Variants in PLSCR5 observed in about 807,000 individuals in gnomAD.
PLSCR5 encodes the protein phospholipid scramblase family member 5, also known as phospholipid scramblase family, member 5.
A neutral mutation model predicts 33.6 loss-of-function variants in PLSCR5; 44 were observed. That is an observed-to-expected ratio of 1.31 (90% CI 1.03 to 1.69). PLSCR5 has a LOEUF of 1.69. PLSCR5 is among the 40% of genes most tolerant of loss of function. The pLI, the probability that PLSCR5 is intolerant of heterozygous loss-of-function variation, is 0.00. For synonymous variants in PLSCR5, 148 were observed against 112.3 expected (o/e 1.32, Z -2.01); for missense variants, 375 against 318.7 (o/e 1.18, Z -1.34).
At position 146,600,279 on chromosome 3, in the gene PLSCR5, TA is replaced by T; in HGVS notation, c.189+8del. On this transcript the variant is annotated splice_region_variant and intron_variant, in intron 2 of 7. Coordinates refer to ENST00000443512, the MANE Select transcript of PLSCR5 (RefSeq NM_001085420.2). Reference sequence around the variant, plus strand: ...GAACATATCTGTAGTAATAGAAAGATAAAAACACCTGGCTTAAATATTCTAG... The same window carrying T: ...GAACATATCTGTAGTAATAGAAAGATAAAACACCTGGCTTAAATATTCTAG... 2.6e-6 allele frequency: 4 copies of T among 1,543,432 alleles called. No individual in the cohort carries two copies. Among genetic ancestry groups the T allele is most frequent in the Non-Finnish European group, 3.5e-6 (4 of 1,141,028 alleles).
intron 2 of PLSCR5, among the ~76,000 whole-genome samples, chr3:146,598,871 G>A (rs1178029466): frequency 6.6e-6 from 1 of 152,234 alleles, no homozygotes; most frequent in African/African-American, 2.4e-5. Context: ...CTGCCAGTGG[G>A]TTTCTGGAGA....
chr3:146,605,230 T>A lies in PLSCR5; in HGVS notation c.-18A>T. The A allele has an allele frequency of 6.2e-7, 1 of 1,611,430 alleles. No homozygotes were observed. The highest frequency in any genetic ancestry group is 8.5e-7 in the Non-Finnish European group (1 of 1,178,298). ...GAGGCCATGAAGATGTCTGAGTCACTTCTTCAAAGGTTGCCAGGTTGGAAA... is the reference window on the plus strand; with the variant it reads ...GAGGCCATGAAGATGTCTGAGTCACATCTTCAAAGGTTGCCAGGTTGGAAA... On this transcript the variant is annotated 5_prime_UTR_variant, in exon 1 of 8. The change creates a new upstream start codon in the 5' untranslated region. Transcript: ENST00000443512.
chr3:146,595,650 ACT>A (rs1323231682), intron 2 of PLSCR5, among the ~76,000 whole-genome samples: 2 of 152,156 alleles, frequency 1.3e-5, no homozygotes, highest in African/African-American at 2.4e-5. Flanking sequence ...GACAGAACTA[ACT>A]CTGTGTTAAC....
downstream of PLSCR5, among the ~76,000 whole-genome samples, chr3:146,584,796 C>G (rs1286130035): frequency 2.6e-5 from 4 of 152,024 alleles, no homozygotes; most frequent in Non-Finnish European, 2.9e-5. Flanking sequence ...TTACTACCAC[C>G]CATAATATTA....
chr3:146,595,984 A>T (rs981174579), intron 2 of PLSCR5, among the ~76,000 whole-genome samples: 1 of 152,202 alleles, frequency 6.6e-6, no homozygotes, highest in Admixed American at 6.5e-5. Flanking sequence ...ATGCCAACAA[A>T]ATACCAATTT....
At chr3:146,598,946 G>A (rs1273611333) in intron 2 of PLSCR5, among the ~76,000 whole-genome samples, 2 of 152,152 alleles carry the variant, frequency 1.3e-5, no homozygotes, top group Non-Finnish European at 2.9e-5. Flanking sequence ...ACCCTATCAG[G>A]CATAACAGAA....
At chr3:146,595,151 C>G in intron 2 of PLSCR5, 68 bp from the exon 3 acceptor site, 1 of 889,892 alleles carries the variant, frequency 1.1e-6, no homozygotes, top group Non-Finnish European at 1.6e-6. Flanking sequence ...GGAGATACTA[C>G]TAGTACCCTA....
At chr3:146,581,941 C>G (rs1240497182), downstream of PLSCR5, among the ~76,000 whole-genome samples, 2 of 152,172 alleles carry the variant, frequency 1.3e-5, no homozygotes, top group African/African-American at 4.8e-5. Context: ...TTCTCTTAAA[C>G]TCACTTCTCT....
At chr3:146,595,136 C>T in intron 2 of PLSCR5, 53 bp from the exon 3 acceptor site, 1 of 1,114,356 alleles carries the variant, frequency 9.0e-7, no homozygotes, top group Non-Finnish European at 1.2e-6. Context: ...ACACGGAAAA[C>T]CTTTGGAGAT....
chr3:146,585,917 A>G lies in PLSCR5; in HGVS notation c.*70T>C. 1 of 709,930 alleles carries G rather than the reference A, an allele frequency of 1.4e-6. No individual in the cohort carries two copies. Among genetic ancestry groups the G allele is most frequent in the Non-Finnish European group, 2.1e-6 (1 of 474,700 alleles). The allele number at this position is 709,930 out of a possible 1,614,324, so 44.0% of individuals were successfully genotyped here. A position where few individuals can be genotyped will look rare whatever the true frequency, so the allele number is the denominator to read the frequency against. Reference sequence around the variant, plus strand: ...AAAGCAAACATTCAAACCATTCAGAAATGAAATCCAGAGCCCAAGGGATTT... The same window carrying G: ...AAAGCAAACATTCAAACCATTCAGAGATGAAATCCAGAGCCCAAGGGATTT... On this transcript the variant is annotated 3_prime_UTR_variant, in exon 8 of 8. Transcript: ENST00000443512.
chr3:146,587,563 G>C (rs531447252), intron 6 of PLSCR5, among the ~76,000 whole-genome samples: 1 of 152,138 alleles, frequency 6.6e-6, no homozygotes, highest in Non-Finnish European at 1.5e-5. Flanking sequence ...TGGTGTTGAA[G>C]TCAGAATGAT....
intron 7 of PLSCR5, among the ~76,000 whole-genome samples, chr3:146,577,553 G>C (rs7625618): frequency 0.092 from 13,933 of 151,962 alleles, 856 homozygotes; most frequent in Middle Eastern, 0.16. Flanking sequence ...TTAACTGTTT[G>C]GTACGCCAAT....
chr3:146,577,747 ACACAAAATT>A (rs1415438586), intron 7 of PLSCR5, among the ~76,000 whole-genome samples: 3 of 152,086 alleles, frequency 2.0e-5, no homozygotes, highest in Non-Finnish European at 4.4e-5. Context: ...ACCCTTCTAC[ACACAAAATT>A]GATGTGTTTT....
chr3:146,605,170 A>G, intron 1 of PLSCR5, 30 bp downstream of exon 1: 1 of 1,594,310 alleles, frequency 6.3e-7, no homozygotes, highest in South Asian at 1.1e-5. Flanking sequence ...ATATAAGAAA[A>G]AGTTATTAGT....
At chr3:146,603,574 T>G (rs76565394) in intron 1 of PLSCR5, among the ~76,000 whole-genome samples, 15,063 of 152,136 alleles carry the variant, frequency 0.099, 746 homozygotes, top group East Asian at 0.14. Flanking sequence ...TATTTTGACA[T>G]AATATTACTT....
chr3:146,597,359 T>G (rs973755689), intron 2 of PLSCR5, among the ~76,000 whole-genome samples: 1 of 152,162 alleles, frequency 6.6e-6, no homozygotes, highest in African/African-American at 2.4e-5. Flanking sequence ...AGAGATTAAG[T>G]AATTTGCCCA....
intron 5 of PLSCR5, 188 bp from the exon 6 acceptor site, chr3:146,590,002 A>G (rs1365797521): frequency 9.6e-6 from 4 of 418,456 alleles, no homozygotes; most frequent in African/African-American, 4.1e-5. Flanking sequence ...TACTTTTTAG[A>G]AACTTTGCTT....
chr3:146,594,527 A>T (rs1452194603), intron 3 of PLSCR5, among the ~76,000 whole-genome samples: 2 of 152,042 alleles, frequency 1.3e-5, no homozygotes, highest in African/African-American at 2.4e-5. Context: ...TTTGTCTGGT[A>T]ATATATCTAA....
downstream of PLSCR5, among the ~76,000 whole-genome samples, chr3:146,585,193 A>T (rs1316587610): frequency 6.6e-6 from 1 of 152,038 alleles, no homozygotes; most frequent in Non-Finnish European, 1.5e-5. Flanking sequence ...TCTGCATTTG[A>T]CTCATGGATT....
Sources: gnomAD v4.1 joint callset for allele counts (sites outside exome capture counted in the v4.1 genomes callset) on GRCh38, gnomAD v4.1.1 for gene constraint, MANE v1.5 for transcripts, NCBI Gene and HGNC (gene_info 2026-07-23, HGNC 2026-07-21) for gene names.